The following KLF8 variants were observed in gnomAD, a reference collection of about 807,000 sequenced individuals.
KLF8 encodes Krueppel-like factor 8.
Under a neutral mutation model 18.2 loss-of-function variants are expected in KLF8, and 10 were observed. The ratio of observed to expected loss-of-function variants is 0.55; its 90% CI spans 0.34 to 0.93. The LOEUF is 0.93. Ranked by LOEUF, KLF8 falls within the 40% of genes least tolerant of loss-of-function variation. KLF8 has a pLI of 0.02. For missense variants in KLF8, 264 were observed against 277.9 expected, an observed-to-expected ratio of 0.95 and a Z score of 0.36; for synonymous variants, 109 against 97.3, an observed-to-expected ratio of 1.12 and a Z score of -0.71.
chrX:56,196,789 T>C, the KLF8 span, among the ~76,000 whole-genome samples: 1 of 111,849 alleles, frequency 8.9e-6, no homozygotes. Context: ...ATCAACAGAA[T>C]ATACATTCTT....
chrX:56,159,724 G>T, the KLF8 span, among the ~76,000 whole-genome samples: 1 of 111,454 alleles, frequency 9.0e-6, no homozygotes, highest in Non-Finnish European at 1.9e-5. Flanking sequence ...CTGTGGGATC[G>T]GTGGTGATAT....
At chrX:56,190,033 A>T in the KLF8 span, among the ~76,000 whole-genome samples, 1 of 110,025 alleles carries the variant, frequency 9.1e-6, no homozygotes, top group Non-Finnish European at 1.9e-5. Flanking sequence ...TAATAAAATT[A>T]AAAAAATAAA....
the KLF8 span, among the ~76,000 whole-genome samples, chrX:55,990,858 G>C: frequency 9.0e-6 from 1 of 111,368 alleles, no homozygotes; most frequent in African/African-American, 3.3e-5. Flanking sequence ...CATTCCTCTG[G>C]AAGTTTTGTC....
the KLF8 span, among the ~76,000 whole-genome samples, chrX:55,929,727 A>G: frequency 9.1e-6 from 1 of 110,344 alleles, no homozygotes; most frequent in Non-Finnish European, 1.9e-5. Context: ...ATTGGTCTAT[A>G]TATCAGTTTT....
chrX:56,025,468 G>A, the KLF8 span, among the ~76,000 whole-genome samples: 2 of 111,622 alleles, frequency 1.8e-5, no homozygotes, highest in African/African-American at 6.5e-5. Flanking sequence ...TTTTTTCCAA[G>A]TAGCCCAGAT....
At chrX:56,189,797 A>C in the KLF8 span, among the ~76,000 whole-genome samples, 7 of 98,697 alleles carry the variant, frequency 7.1e-5, no homozygotes, top group Admixed American at 1.2e-4. Flanking sequence ...ACATGTTCTC[A>C]CTCATAGGTG....
At chrX:55,995,980 G>T in the KLF8 span, among the ~76,000 whole-genome samples, 2 of 111,311 alleles carry the variant, frequency 1.8e-5, no homozygotes, top group Non-Finnish European at 3.8e-5. Flanking sequence ...TAAGTTGCTT[G>T]CTCTTTCGGG....
At chrX:56,176,373 G>A in the KLF8 span, among the ~76,000 whole-genome samples, 4 of 111,477 alleles carry the variant, frequency 3.6e-5, no homozygotes, top group Non-Finnish European at 7.5e-5. Context: ...GCTTAGTTTG[G>A]CTGGATATGA....
chrX:56,157,546 C>A, the KLF8 span, among the ~76,000 whole-genome samples: 3 of 110,103 alleles, frequency 2.7e-5, no homozygotes, highest in Admixed American at 1.9e-4. Flanking sequence ...TCCTCTCCAG[C>A]ACCTGTTGTT....
chrX:55,965,386 A>C, the KLF8 span, among the ~76,000 whole-genome samples: 1 of 111,932 alleles, frequency 8.9e-6, no homozygotes, highest in Non-Finnish European at 1.9e-5. Flanking sequence ...AACATACCTC[A>C]AAGTAACAAG....
the KLF8 span, among the ~76,000 whole-genome samples, chrX:56,212,822 G>C: frequency 4.4e-4 from 49 of 111,804 alleles, no homozygotes; most frequent in Admixed American, 2.8e-4. Context: ...AGTTAACTTG[G>C]TGTCCTTGCA....
the KLF8 span, among the ~76,000 whole-genome samples, chrX:56,186,516 C>A: frequency 3.6e-5 from 4 of 110,964 alleles, no homozygotes; most frequent in Non-Finnish European, 7.5e-5. Context: ...CAGCTCTGCA[C>A]CAAGCGGACC....
the KLF8 span, among the ~76,000 whole-genome samples, chrX:56,067,738 G>A: frequency 1.3e-4 from 14 of 111,807 alleles, no homozygotes; most frequent in East Asian, 2.8e-3. Context: ...CCCTTCCCCC[G>A]TCCCCCTCCT....
chrX:56,194,141 C>T, the KLF8 span, among the ~76,000 whole-genome samples: 1 of 110,837 alleles, frequency 9.0e-6, no homozygotes, highest in Non-Finnish European at 1.9e-5. Context: ...CAGCTCCCAG[C>T]GTGATCAAAG....
chrX:56,207,730 C>T, the KLF8 span, among the ~76,000 whole-genome samples: 1 of 110,448 alleles, frequency 9.1e-6, no homozygotes, highest in Non-Finnish European at 1.9e-5. Flanking sequence ...CTGATTCCTC[C>T]AAGCTGTTGC....
At position 56,264,481 on chromosome X, in the gene KLF8, T is replaced by C. The variant is rs965549524; in HGVS notation, c.82-699T>C. On this transcript the variant is annotated intron_variant, in intron 2 of 5. Transcript: ENST00000468660. ...TATTAGTTTAAATCATTTATGATCA[T>C]TTAGATCATTTATTAGTTTTTTTTA... 3.6e-5 allele frequency among the ~76,000 whole-genome samples: 4 copies of C among 110,557 alleles called. No individual in the cohort carries two copies. In the Admixed American group the frequency reaches 3.9e-4, roughly 11 times the overall value.
intron 5 of KLF8, 26 bp downstream of exon 5, chrX:56,270,347 A>ACCACAC: frequency 6.0e-6 from 4 of 661,747 alleles, no homozygotes; most frequent in Non-Finnish European, 8.1e-6. Flanking sequence ...TCTCACCCCC[A>ACCACAC]ACACACACAC....
At chrX:55,947,565 C>T in the KLF8 span, among the ~76,000 whole-genome samples, 2 of 109,374 alleles carry the variant, frequency 1.8e-5, no homozygotes, top group Non-Finnish European at 3.8e-5. Flanking sequence ...TGCAGCACAC[C>T]AGCATGGCAC....
At chrX:56,266,168 T>G in intron 3 of KLF8, 1 of 760,625 alleles carries the variant, frequency 1.3e-6, no homozygotes, top group Non-Finnish European at 1.6e-6. Flanking sequence ...GTGTTTATTT[T>G]ATGCCATTCA....
Sources: gnomAD v4.1 joint callset for allele counts (sites outside exome capture counted in the v4.1 genomes callset) on GRCh38, gnomAD v4.1.1 for gene constraint, MANE v1.5 for transcripts, NCBI Gene and HGNC (gene_info 2026-07-23, HGNC 2026-07-21) for gene names.